The following NEDD9 variants were observed in gnomAD, a reference collection of about 807,000 sequenced individuals.
NEDD9 encodes enhancer of filamentation 1.
In NEDD9, 26 loss-of-function variants were observed where a neutral mutation model predicts 76.6. That is an observed-to-expected ratio of 0.34 (90% CI 0.25 to 0.47). The LOEUF is 0.47. NEDD9 is among the 20% of genes least tolerant of loss of function. The pLI is 1.00. For synonymous variants in NEDD9, 392 were observed against 414.2 expected (o/e 0.95, Z 0.65); for missense variants, 937 against 1,058.5 (o/e 0.89, Z 1.59).
chr6:11,188,566 A>AC lies in NEDD9; in HGVS notation c.1906-260_1906-259insG, dbSNP rs1758040843. On this transcript the variant is annotated intron_variant, in intron 5 of 6. Transcript: ENST00000379446. ...TGATTCCCTTCAAATCTCATATATA[A>AC]TGTTCTTTTTATAGTCTCTGGGTTC... Among the ~76,000 whole-genome samples the AC allele has an allele frequency of 2.7e-5, 4 of 149,968 alleles. No individual in the cohort carries two copies. In the South Asian group the frequency reaches 8.5e-4, roughly 32 times the overall value.
chr6:11,299,994 C>T (rs956349954), intron 3 of NEDD9, among the ~76,000 whole-genome samples: 8 of 152,150 alleles, frequency 5.3e-5, no homozygotes, highest in East Asian at 1.9e-4. Flanking sequence ...AGGAACAAAA[C>T]GGGACAGAGA....
chr6:11,293,196 G>GTTTT (rs35317754), intron 3 of NEDD9, among the ~76,000 whole-genome samples: 21,616 of 148,336 alleles, frequency 0.15, 1,622 homozygotes, highest in Middle Eastern at 0.22. Flanking sequence ...CTAAGTCTAT[G>GTTTT]TTTTTTTTTT....
intron 1 of NEDD9, among the ~76,000 whole-genome samples, chr6:11,375,886 G>A (rs935284942): frequency 1.1e-4 from 16 of 152,178 alleles, no homozygotes; most frequent in East Asian, 1.9e-4. Flanking sequence ...GTGCAGTGGC[G>A]TGATCTCGGC....
In NEDD9 at chr6:11,193,601, G is replaced by C. The variant is rs138858109; in HGVS notation, c.551C>G (p.Thr184Ser). The change falls in exon 3 of 7, where the codon ACC (threonine) becomes AGC (serine). Residue 184 changes from threonine (T) to serine (S), a missense_variant. Coordinates refer to ENST00000379446, the MANE Select transcript of NEDD9 (RefSeq NM_006403.4). The part of the protein sequence containing the change: ...KDVYDIPPSH[T>S]TQGVYDIPPS... ...TGTTCTGGTACGCACCCCTTGAGTG[G>C]TATGAGAAGGAGGGATATCATAGAC... is the stretch of plus-strand genomic sequence containing the variant. The C allele has an allele frequency of 5.0e-6, 8 of 1,612,160 alleles. No individual in the cohort carries two copies. In the African/African-American group the frequency reaches 1.1e-4, roughly 22 times the overall value.
At chr6:11,297,753 C>G (rs990722450) in intron 3 of NEDD9, among the ~76,000 whole-genome samples, 3 of 152,142 alleles carry the variant, frequency 2.0e-5, no homozygotes, top group Non-Finnish European at 2.9e-5. Context: ...CATCACAAAC[C>G]CTTTGAGGTC....
intron 1 of NEDD9, among the ~76,000 whole-genome samples, chr6:11,337,561 G>A (rs758804608): frequency 6.6e-6 from 1 of 152,116 alleles, no homozygotes; most frequent in Admixed American, 6.5e-5. Flanking sequence ...GCGGGACCAC[G>A]GTCCTATATA....
intron 3 of NEDD9, among the ~76,000 whole-genome samples, chr6:11,284,905 C>A (rs1760617137): frequency 6.6e-6 from 1 of 151,602 alleles, no homozygotes; most frequent in Non-Finnish European, 1.5e-5. Context: ...TTATTTTATT[C>A]TTATGAAGAC....
intron 2 of NEDD9, among the ~76,000 whole-genome samples, chr6:11,311,950 C>T (rs756175563): frequency 2.0e-5 from 3 of 152,180 alleles, no homozygotes; most frequent in East Asian, 3.9e-4. Flanking sequence ...ACACCATTGA[C>T]CACGTTTCCC....
chr6:11,259,523 T>C (rs1264751184), intron 3 of NEDD9, among the ~76,000 whole-genome samples: 1 of 152,226 alleles, frequency 6.6e-6, no homozygotes, highest in East Asian at 1.9e-4. Context: ...TTAGTATGTG[T>C]AATAATTTAA....
chr6:11,240,511 T>C (rs1759690386), intron 3 of NEDD9, among the ~76,000 whole-genome samples: 1 of 152,230 alleles, frequency 6.6e-6, no homozygotes, highest in African/African-American at 2.4e-5. Flanking sequence ...GTCACTACCG[T>C]GCTACTAAAA....
In NEDD9 at chr6:11,329,739, T is replaced by C. The variant is rs534193502; in HGVS notation, c.-153+4762A>G. Among the ~76,000 whole-genome samples the C allele has an allele frequency of 1.1e-4, 16 of 152,082 alleles. No individual in the cohort carries two copies. In the East Asian group the frequency reaches 2.9e-3, roughly 28 times the overall value. On this transcript the variant is annotated intron_variant, in intron 2 of 3. Coordinates refer to the NEDD9 transcript ENST00000397378. The stretch of plus-strand genomic sequence containing the variant: ...GACATTTAGCAATGTCTCGAGATGT[T>C]TTTTGACTGCCACAACTGGGTGGGG...
intron 2 of NEDD9, among the ~76,000 whole-genome samples, chr6:11,209,970 C>G: frequency 7.6e-6 from 1 of 131,072 alleles, no homozygotes; most frequent in African/African-American, 2.8e-5. Flanking sequence ...AATTCACTGT[C>G]TTTTTTTTTT....
chr6:11,192,596 C>CTTTTT (rs34998457), intron 3 of NEDD9, 150 bp from the exon 4 acceptor site: 37 of 510,488 alleles, frequency 7.2e-5, no homozygotes, highest in East Asian at 1.6e-4. Context: ...GATTTATTGC[C>CTTTTT]TTTTTTTTTA....
rs367698401 is a variant in NEDD9, at chr6:11,185,642, C to G, written c.2025G>C (p.Glu675Asp). Residue 675 changes from glutamate to aspartate, a missense_variant, in exon 7 of 7, where the codon GAG becomes GAC. Physicochemically the swap from Glu to Asp is conservative, Grantham distance 45. Coordinates refer to ENST00000379446, the MANE Select transcript of NEDD9 (RefSeq NM_006403.4). ...QLSQFQLLEQ[E>D]ITKPVENDIS... is the part of the protein sequence containing the mutation. Reference sequence around the variant, plus strand: ...TGTCATTCTCCACGGGCTTTGTAATCTCTTGTTCCAACAGCTGGAACTGGC... The same window carrying G: ...TGTCATTCTCCACGGGCTTTGTAATGTCTTGTTCCAACAGCTGGAACTGGC... 1 of 1,614,234 alleles carries G rather than the reference C, an allele frequency of 6.2e-7. No homozygotes were observed. Among genetic ancestry groups the G allele is most frequent in the South Asian group, 1.1e-5 (1 of 91,086 alleles).
intron 3 of NEDD9, among the ~76,000 whole-genome samples, chr6:11,279,303 GTT>G (rs1760481452): frequency 6.6e-6 from 1 of 152,242 alleles, no homozygotes; most frequent in Non-Finnish European, 1.5e-5. Flanking sequence ...CAGATGAGAA[GTT>G]CACTTGCTCC....
intron 1 of NEDD9, among the ~76,000 whole-genome samples, chr6:11,356,462 G>A (rs745966871): frequency 1.6e-4 from 25 of 152,160 alleles, no homozygotes; most frequent in South Asian, 4.2e-4. Context: ...CACACATCTC[G>A]CAAATGGCCA....
chr6:11,368,992 G>A (rs1762814276), intron 1 of NEDD9, among the ~76,000 whole-genome samples: 1 of 152,146 alleles, frequency 6.6e-6, no homozygotes, highest in South Asian at 2.1e-4. Context: ...GGTGAGGTAG[G>A]GCTCTTATTA....
intron 2 of NEDD9, among the ~76,000 whole-genome samples, chr6:11,326,993 C>G (rs1162958269): frequency 6.6e-6 from 1 of 152,150 alleles, no homozygotes; most frequent in Non-Finnish European, 1.5e-5. Context: ...CAGTTGGAGA[C>G]TTGGGTTTTA....
intron 1 of NEDD9, among the ~76,000 whole-genome samples, chr6:11,356,850 T>A (rs1282759287): frequency 6.6e-6 from 1 of 152,108 alleles, no homozygotes; most frequent in Admixed American, 6.5e-5. Flanking sequence ...TAAAGAATAT[T>A]GTGAATTACA....
Sources: allele counts gnomAD v4.1 joint callset (sites outside exome capture counted in the v4.1 genomes callset), GRCh38; gene constraint gnomAD v4.1.1; transcripts MANE v1.5; gene names NCBI Gene and HGNC (gene_info 2026-07-23, HGNC 2026-07-21).